Variants in KCNG4 observed in about 807,000 individuals in gnomAD.
The protein encoded by KCNG4 is voltage-gated potassium channel regulatory subunit KCNG4.
Under a neutral mutation model 28.2 loss-of-function variants are expected in KCNG4, and 30 were observed. That is an observed-to-expected ratio of 1.06 (90% CI 0.80 to 1.44). KCNG4 has a LOEUF of 1.44. KCNG4 is among the 40% of genes most tolerant of loss of function. The probability of loss-of-function intolerance (pLI) is 0.00; values close to 1 mark genes in which losing one functional copy is unlikely to be tolerated. For missense variants in KCNG4, 879 were observed against 712.3 expected (o/e 1.23, Z -2.66); for synonymous variants, 375 against 315.5 (o/e 1.19, Z -2.00).
rs551706107 is a variant in KCNG4, at chr16:84,237,034, C to T, written c.452G>A (p.Gly151Asp). The stretch of plus-strand genomic sequence containing the variant: ...CCTCTCCAGGTGGGCCTCCTCGATG[C>T]CCCAGTAGGCCAGCTCCTCCTGGAA... ...LSFQEELAYW[G>D]IEEAHLERCC... Residue 151 changes from glycine to aspartate, a missense_variant, in exon 2 of 3, where the codon GGC becomes GAC. Physicochemically the swap from Gly to Asp is moderately conservative, Grantham distance 94. Coordinates refer to ENST00000308251, the MANE Select transcript of KCNG4 (RefSeq NM_172347.3). 4 of 1,613,990 alleles carry T rather than the reference C, an allele frequency of 2.5e-6. No individual in the cohort carries two copies. Among genetic ancestry groups the T allele is most frequent in the Non-Finnish European group, 2.5e-6 (3 of 1,180,004 alleles).
At chr16:84,237,609 G>A (rs1164296806) in intron 1 of KCNG4, 84 bp from the exon 2 acceptor site, 2 of 895,100 alleles carry the variant, frequency 2.2e-6, no homozygotes, top group Non-Finnish European at 1.6e-6. Flanking sequence ...GACTGCAGAT[G>A]TTCTTACGTG....
rs199996689 is a variant in KCNG4, at chr16:84,222,595, C to T, written c.1182G>A (p.Lys394=). 2.9e-4 allele frequency: 460 copies of T among 1,613,262 alleles called. 2 individuals carry two copies. Among genetic ancestry groups the T allele is most frequent in the Admixed American group, 8.5e-4 (51 of 60,000 alleles). ...TGAACTCCAGCACCCGCCCGGACTC[C>T]TTCTCGGCCACGTAGACCAAAGGGG... The part of the protein sequence containing the change: ...LFSPLVYVAE[K]ESGRVLEFTS... The change falls in exon 3 of 3, where the codon AAG becomes AAA. Residue 394 remains lysine (K), a synonymous_variant. Transcript: ENST00000308251.
rs377698250 is a variant in KCNG4, at chr16:84,222,749, C to T, written c.1028G>A (p.Arg343His). Residue 343 changes from arginine to histidine, a missense_variant, in exon 3 of 3, where the codon CGC (arginine) becomes CAC (histidine). Arg to His is a conservative substitution (Grantham distance 29). Coordinates refer to ENST00000308251, the MANE Select transcript of KCNG4 (RefSeq NM_172347.3). ...GLVLRVLRAL[R>H]ILYVMRLARH... ...AGCCAGGCGCATCACGTAGAGGATG[C>T]GCAGCGCTCGCAGCACACGCAGGAC... 164 of 1,611,638 alleles carry T rather than the reference C, an allele frequency of 1.0e-4. No homozygotes were observed. The East Asian group carries it at 1.5e-3, about 14-fold the overall frequency.
At chr16:84,236,587 T>C in intron 2 of KCNG4, 143 bp downstream of exon 2, 3 of 950,258 alleles carry the variant, frequency 3.2e-6, no homozygotes, top group South Asian at 3.7e-5. Context: ...GATGGCCTAA[T>C]AATGAATATA....
At chr16:84,224,638 C>A (rs1348842484) in intron 2 of KCNG4, among the ~76,000 whole-genome samples, 1 of 152,190 alleles carries the variant, frequency 6.6e-6, no homozygotes, top group East Asian at 1.9e-4. Context: ...AGAGACTGAA[C>A]CACGACAGTC....
In KCNG4 at chr16:84,222,381, T is replaced by C; in HGVS notation, c.1396A>G (p.Lys466Glu). ...TFSHSYLELK[K>E]EQEQLQARLR... The stretch of plus-strand genomic sequence containing the variant: ...CGGGCCTGAAGCTGCTCCTGCTCCT[T>C]CTTGAGCTCCAGGTAGGAGTGGGAG... Residue 466 changes from lysine (K) to glutamate (E), a missense_variant, in exon 3 of 3, where the codon AAG (lysine) becomes GAG (glutamate). Coordinates refer to ENST00000308251, the MANE Select transcript of KCNG4 (RefSeq NM_172347.3). 1 of 1,614,140 alleles carries C rather than the reference T, an allele frequency of 6.2e-7. No individual in the cohort carries two copies. The highest frequency in any genetic ancestry group is 2.2e-5 in the East Asian group (1 of 44,866).
intron 2 of KCNG4, among the ~76,000 whole-genome samples, chr16:84,224,403 T>TACACACACACACACACATACAC (rs568895266): frequency 6.8e-5 from 4 of 58,642 alleles, no homozygotes; most frequent in African/African-American, 2.9e-4. Context: ...TATACATATT[T>TACACACACACACACACATACAC]ACACACACAC....
At chr16:84,231,171 C>T (rs1336936331) in intron 2 of KCNG4, among the ~76,000 whole-genome samples, 2 of 152,210 alleles carry the variant, frequency 1.3e-5, no homozygotes, top group Non-Finnish European at 2.9e-5. Context: ...GGTTCTCGTT[C>T]AGTCCTCAGC....
Position 84,237,123 on chromosome 16 carries a change from C to T in KCNG4, c.363G>A (p.Gly121=), listed in dbSNP as rs1204096161. 3.7e-6 allele frequency: 6 copies of T among 1,614,012 alleles called. No homozygotes were observed. The African/African-American group carries it at 8.0e-5, about 22-fold the overall frequency. Residue 121 remains glycine (G), a synonymous_variant, in exon 2 of 3, where the codon GGG becomes GGA. Transcript: ENST00000308251. The stretch of plus-strand genomic sequence containing the variant: ...CGGCCGCCAGGAAGCTCACGATCAC[C>T]CCGAAGGCGCTGGGGCTCCTGTCGA... ...FFFDRSPSAF[G]VIVSFLAAGK...
At position 84,236,824 on chromosome 16, in the gene KCNG4, T is replaced by C. The variant is rs769688978; in HGVS notation, c.662A>G (p.Lys221Arg). 1.2e-6 allele frequency: 2 copies of C among 1,613,678 alleles called. No individual in the cohort carries two copies. The highest frequency in any genetic ancestry group is 1.7e-6 in the Non-Finnish European group (2 of 1,180,030). Residue 221 changes from lysine to arginine, a missense_variant, in exon 2 of 3, where the codon AAG becomes AGG. Coordinates refer to ENST00000308251, the MANE Select transcript of KCNG4 (RefSeq NM_172347.3). The part of the protein sequence containing the change: ...VENPQSGLPG[K>R]VFACLSILFV... ...GAGGATGGAGAGGCAAGCGAAGACC[T>C]TCCCGGGCAGCCCGGACTGCGGGTT...
In KCNG4 at chr16:84,222,950, T is replaced by C. The variant is rs948575547; in HGVS notation, c.827A>G (p.Glu276Gly). The change falls in exon 3 of 3, where the codon GAG becomes GGG. Residue 276 changes from glutamate to glycine, a missense_variant. Physicochemically the swap from Glu to Gly is moderately conservative, Grantham distance 98 (BLOSUM62 -2). Coordinates refer to ENST00000308251, the MANE Select transcript of KCNG4 (RefSeq NM_172347.3). ...ETICVAWFSL[E>G]FCLRFVQAQD... ...GGCCTGGACAAACCGCAGGCAGAAC[T>C]CCAGGGAGAACCAGGCCACGCAGAT... The C allele has an allele frequency of 3.2e-6, 5 of 1,581,046 alleles. No homozygotes were observed. Among genetic ancestry groups the C allele is most frequent in the Non-Finnish European group, 4.3e-6 (5 of 1,162,210 alleles).
rs1388277334 is a variant in KCNG4, at chr16:84,222,521, A to C, written c.1256T>G (p.Val419Gly). ...YWWAIISMTT[V>G]GYGDMVPRSV... ...GCGGGGCACCATGTCCCCGTAGCCC[A>C]CCGTTGTCATGGAGATGATGGCCCA... is the stretch of plus-strand genomic sequence containing the variant. Residue 419 changes from valine (V) to glycine (G), a missense_variant, in exon 3 of 3, where the codon GTG (valine) becomes GGG (glycine). Val to Gly is a moderately radical substitution (Grantham distance 109). Coordinates refer to ENST00000308251, the MANE Select transcript of KCNG4 (RefSeq NM_172347.3). 6.2e-7 allele frequency: 1 copy of C among 1,613,428 alleles called. No individual in the cohort carries two copies. Among genetic ancestry groups the C allele is most frequent in the Admixed American group, 1.7e-5 (1 of 60,016 alleles).
chr16:84,220,877 C>G lies in KCNG4; in HGVS notation c.*1340G>C, dbSNP rs1294526036. The G allele has an allele frequency of 6.6e-6, 1 of 152,372 alleles. No individual in the cohort carries two copies. The highest frequency in any genetic ancestry group is 2.4e-5 in the African/African-American group (1 of 41,476). 9.4% of individuals were successfully genotyped at this position (152,372 alleles called of 1,614,324 possible). A position where few individuals can be genotyped will look rare whatever the true frequency, so the allele number is the denominator to read the frequency against. On this transcript the variant is annotated 3_prime_UTR_variant, in exon 3 of 3. Coordinates refer to ENST00000308251, the MANE Select transcript of KCNG4 (RefSeq NM_172347.3). ...CAATCCAGCCTCATCATCTCCCTAACCCACAGCCTGTGCACATCACTCTGC... is the reference window on the plus strand; with the variant it reads ...CAATCCAGCCTCATCATCTCCCTAAGCCACAGCCTGTGCACATCACTCTGC...
In KCNG4 at chr16:84,218,794, T is replaced by C. The variant is rs953711974; in HGVS notation, c.*3423A>G. 3.9e-5 allele frequency: 6 copies of C among 152,188 alleles called. No homozygotes were observed. Among genetic ancestry groups the C allele is most frequent in the African/African-American group, 1.2e-4 (5 of 41,448 alleles). The allele number at this position is 152,188 out of a possible 1,614,324, so 9.4% of individuals were successfully genotyped here. A position where few individuals can be genotyped will look rare whatever the true frequency, so the allele number is the denominator to read the frequency against. On this transcript the variant is annotated 3_prime_UTR_variant, in exon 3 of 3. Coordinates refer to ENST00000308251, the MANE Select transcript of KCNG4 (RefSeq NM_172347.3). ...ATTAAGACACTATAGAATCTCATAA[T>C]GGTGGTGGTGCTTCACCTAATTTTG... is the stretch of plus-strand genomic sequence containing the variant.
At chr16:84,239,614 CT>C (rs1276618193) in intron 1 of KCNG4, 55 bp downstream of exon 1, 5 of 152,164 alleles carry the variant, frequency 3.3e-5, no homozygotes, top group East Asian at 3.9e-4. Flanking sequence ...CAACTTCCCC[CT>C]GGCCCCCGCC....
intron 2 of KCNG4, chr16:84,236,375 C>G: frequency 2.5e-6 from 1 of 393,052 alleles, no homozygotes; most frequent in East Asian, 4.0e-5. Context: ...GAGTGGGAGA[C>G]AGGCTCAGAG....
rs1904608453 is a variant in KCNG4, at chr16:84,222,835, C to T, written c.942G>A (p.Glu314=). The change falls in exon 3 of 3, where the codon GAG becomes GAA. Residue 314 remains glutamate (E), a synonymous_variant. Transcript: ENST00000308251. ...GCCTCTCGCCGTCCTCCGGGGGCTC[C>T]TCAGACACCGCCAGCGACACGTAGT... ...SPYYVSLAVS[E]EPPEDGERPS... The T allele has an allele frequency of 1.2e-6, 2 of 1,610,874 alleles. No individual in the cohort carries two copies. Among genetic ancestry groups the T allele is most frequent in the Non-Finnish European group, 1.7e-6 (2 of 1,177,558 alleles).
At chr16:84,228,537 C>T (rs985693374) in intron 2 of KCNG4, among the ~76,000 whole-genome samples, 3 of 152,114 alleles carry the variant, frequency 2.0e-5, no homozygotes, top group Non-Finnish European at 4.4e-5. Context: ...TCCTTTACTC[C>T]GCTCCCATGG....
chr16:84,237,544 A>G lies in KCNG4; in HGVS notation c.-40-19T>C. 7.0e-7 allele frequency: 1 copy of G among 1,421,146 alleles called. No homozygotes were observed. Among genetic ancestry groups the G allele is most frequent in the Non-Finnish European group, 9.2e-7 (1 of 1,086,416 alleles). The allele number at this position is 1,421,146 out of a possible 1,614,324, so 88.0% of individuals were successfully genotyped here. ...TACCAGTCTGACACCCAAGGGACAA[A>G]GAGCAAGCAAAAGGAAGGGAAATCA... is the stretch of plus-strand genomic sequence containing the variant. On this transcript the variant is annotated intron_variant, in intron 1 of 2. Transcript: ENST00000308251.
Sources: allele counts gnomAD v4.1 joint callset (sites outside exome capture counted in the v4.1 genomes callset), GRCh38; gene constraint gnomAD v4.1.1; transcripts MANE v1.5; gene names NCBI Gene and HGNC (gene_info 2026-07-23, HGNC 2026-07-21).